RXFP1: variants seen among roughly 807,000 people sequenced by gnomAD.
The protein encoded by RXFP1 is relaxin receptor 1.
In RXFP1, 73 loss-of-function variants were observed where a neutral mutation model predicts 89.8. The observed-to-expected ratio is 0.81, with a 90% CI of 0.67 to 0.99. RXFP1 has a LOEUF of 0.99. Ranked by LOEUF, RXFP1 falls within the 50% of genes least tolerant of loss-of-function variation. The pLI is 0.00. For synonymous variants in RXFP1, 277 were observed against 305.5 expected (o/e 0.91, Z 0.97); for missense variants, 793 against 895.5 (o/e 0.89, Z 1.46).
intron 9 of RXFP1, among the ~76,000 whole-genome samples, chr4:158,623,398 A>G (rs1766020395): frequency 6.8e-6 from 1 of 147,314 alleles, no homozygotes; most frequent in African/African-American, 2.5e-5. Flanking sequence ...GCAAATCAGG[A>G]GGCTGAGGCA....
intron 1 of RXFP1, among the ~76,000 whole-genome samples, chr4:158,550,073 G>A (rs1006721847): frequency 6.6e-6 from 1 of 152,244 alleles, no homozygotes; most frequent in African/African-American, 2.4e-5. Context: ...AGGCAGGCAG[G>A]CCTCCTTGAG....
In RXFP1 at chr4:158,598,781, G is replaced by A. The variant is rs549805924; in HGVS notation, c.287-545G>A. ...TTATTCATCCTTTACCCCTATTTAA[G>A]CCAAAAGATTTTTTAAAAAATTATT... On this transcript the variant is annotated intron_variant, in intron 3 of 17. Transcript: ENST00000307765. Among the ~76,000 whole-genome samples the A allele has an allele frequency of 2.6e-5, 4 of 151,120 alleles. No homozygotes were observed. In the East Asian group the frequency reaches 5.9e-4, roughly 22 times the overall value.
chr4:158,590,903 G>A (rs1360513900), intron 2 of RXFP1, among the ~76,000 whole-genome samples: 4 of 152,198 alleles, frequency 2.6e-5, no homozygotes, highest in Non-Finnish European at 5.9e-5. Flanking sequence ...GGAGTCAGAG[G>A]TAGGGAATAC....
intron 5 of RXFP1, among the ~76,000 whole-genome samples, chr4:158,606,368 C>G (rs1762535253): frequency 6.6e-6 from 1 of 152,120 alleles, no homozygotes; most frequent in African/African-American, 2.4e-5. Flanking sequence ...CCTGAATGAC[C>G]AATTTGTTCC....
chr4:158,638,599 G>C (rs1260922196), intron 13 of RXFP1, among the ~76,000 whole-genome samples: 3 of 152,120 alleles, frequency 2.0e-5, no homozygotes, highest in Non-Finnish European at 4.4e-5. Flanking sequence ...CTTGAGATCA[G>C]GAGTTGAAGA....
chr4:158,632,933 A>G (rs540448450), intron 11 of RXFP1, among the ~76,000 whole-genome samples: 356 of 152,298 alleles, frequency 2.3e-3, no homozygotes, highest in African/African-American at 7.8e-3. Flanking sequence ...GGACTTTGGG[A>G]GGCTGAGGCG....
chr4:158,609,123 CCACTTT>C (rs1000970518), intron 6 of RXFP1, among the ~76,000 whole-genome samples: 4 of 152,136 alleles, frequency 2.6e-5, no homozygotes, highest in African/African-American at 7.2e-5. Flanking sequence ...GTTTGGGTCC[CCACTTT>C]CACTTTCACT....
In RXFP1 at chr4:158,652,573, A is replaced by C. The variant is rs1772929775; in HGVS notation, c.*518A>C. On this transcript the variant is annotated 3_prime_UTR_variant, in exon 18 of 18. Coordinates refer to ENST00000307765, the MANE Select transcript of RXFP1 (RefSeq NM_021634.4). ...ATAGAAAATGTCTGACTGTTTGCAA[A>C]ATAATATTCTGTTTTAAGAATCCAT... 1.3e-5 allele frequency: 2 copies of C among 152,236 alleles called. No homozygotes were observed. The highest frequency in any genetic ancestry group is 4.2e-4 in the South Asian group (2 of 4,818). 9.4% of individuals were successfully genotyped at this position (152,236 alleles called of 1,614,324 possible).
intron 11 of RXFP1, among the ~76,000 whole-genome samples, chr4:158,630,213 A>T (rs1767763261): frequency 6.6e-6 from 1 of 152,090 alleles, no homozygotes; most frequent in South Asian, 2.1e-4. Flanking sequence ...AAAACCCAAC[A>T]TTTTATCTGT....
intron 11 of RXFP1, among the ~76,000 whole-genome samples, chr4:158,630,234 A>G (rs912617216): frequency 2.6e-5 from 4 of 152,174 alleles, no homozygotes; most frequent in Non-Finnish European, 4.4e-5. Flanking sequence ...AGCCTGAAAC[A>G]CTTTTGGTGG....
intron 8 of RXFP1, 138 bp downstream of exon 8, chr4:158,612,500 C>A: frequency 1.6e-6 from 1 of 615,294 alleles, no homozygotes; most frequent in Non-Finnish European, 2.8e-6. Flanking sequence ...TTTTCTTAAT[C>A]ATATTCTATA....
chr4:158,600,328 T>C (rs1761449451), intron 4 of RXFP1, among the ~76,000 whole-genome samples: 1 of 152,178 alleles, frequency 6.6e-6, no homozygotes, highest in Non-Finnish European at 1.5e-5. Context: ...AACTCAGAGT[T>C]CCTGTGCATA....
intron 11 of RXFP1, among the ~76,000 whole-genome samples, chr4:158,628,991 C>A (rs1354347311): frequency 7.5e-6 from 1 of 132,502 alleles, no homozygotes; most frequent in East Asian, 2.0e-4. Flanking sequence ...CTACACCACT[C>A]TGTTCTACTC....
intron 1 of RXFP1, among the ~76,000 whole-genome samples, chr4:158,559,295 C>G (rs1751951303): frequency 6.6e-6 from 1 of 152,092 alleles, no homozygotes; most frequent in African/African-American, 2.4e-5. Context: ...AACAGCAAGA[C>G]CCTTTCTCCA....
intron 1 of RXFP1, among the ~76,000 whole-genome samples, chr4:158,533,301 C>T (rs1221542483): frequency 6.6e-6 from 1 of 152,068 alleles, no homozygotes; most frequent in Non-Finnish European, 1.5e-5. Context: ...TCTACCTTCC[C>T]TGAGCAATAA....
At chr4:158,569,661 A>T (rs966429409) in intron 1 of RXFP1, among the ~76,000 whole-genome samples, 1 of 152,252 alleles carries the variant, frequency 6.6e-6, no homozygotes, top group Non-Finnish European at 1.5e-5. Context: ...TCAAATATTC[A>T]TACCTTTCAA....
At chr4:158,599,507 AT>A in intron 4 of RXFP1, 76 bp downstream of exon 4, 1 of 1,066,660 alleles carries the variant, frequency 9.4e-7, no homozygotes, top group African/African-American at 1.6e-5. Flanking sequence ...AGACCATGTG[AT>A]TATTCATAAT....
At chr4:158,570,908 C>G (rs544691135) in intron 1 of RXFP1, among the ~76,000 whole-genome samples, 1 of 152,110 alleles carries the variant, frequency 6.6e-6, no homozygotes, top group Admixed American at 6.5e-5. Context: ...CCCAGAGTTC[C>G]GTAATCCTCA....
intron 2 of RXFP1, among the ~76,000 whole-genome samples, chr4:158,582,700 C>A (rs891570737): frequency 1.3e-5 from 2 of 152,186 alleles, no homozygotes; most frequent in South Asian, 2.1e-4. Context: ...TGCAATAATT[C>A]TGTGGGTCCT....
Sources: gnomAD v4.1 joint callset for allele counts (sites outside exome capture counted in the v4.1 genomes callset) on GRCh38, gnomAD v4.1.1 for gene constraint, MANE v1.5 for transcripts, NCBI Gene and HGNC (gene_info 2026-07-23, HGNC 2026-07-21) for gene names.